Variants in IQCK observed in about 807,000 individuals in gnomAD.
IQCK encodes the protein IQ motif containing K.
Under a neutral mutation model 28.1 loss-of-function variants are expected in IQCK, and 29 were observed. That is an observed-to-expected ratio of 1.03 (90% CI 0.77 to 1.41). The LOEUF (loss-of-function observed/expected upper bound fraction) is 1.41, where lower values mean the gene tolerates loss of function less well. Ranked by LOEUF, IQCK falls within the 40% of genes most tolerant of loss-of-function variation. The pLI, the probability that IQCK is intolerant of heterozygous loss-of-function variation, is 0.00. For missense variants in IQCK, 359 were observed against 314.7 expected, an observed-to-expected ratio of 1.14 and a Z score of -1.07; for synonymous variants, 113 against 115.1, an observed-to-expected ratio of 0.98 and a Z score of 0.12.
intron 6 of IQCK, among the ~76,000 whole-genome samples, chr16:19,772,260 T>C (rs1168998327): frequency 6.6e-6 from 1 of 152,190 alleles, no homozygotes; most frequent in East Asian, 1.9e-4. Flanking sequence ...CATTAGGTGT[T>C]CACATTGAAA....
intron 6 of IQCK, among the ~76,000 whole-genome samples, chr16:19,772,911 C>T (rs1235082663): frequency 6.6e-6 from 1 of 152,026 alleles, no homozygotes; most frequent in Non-Finnish European, 1.5e-5. Context: ...GCTGAGGCGG[C>T]AGTATCACTT....
chr16:19,800,857 A>G (rs1049425704), intron 7 of IQCK, among the ~76,000 whole-genome samples: 3 of 114,326 alleles, frequency 2.6e-5, no homozygotes, highest in Admixed American at 1.5e-4. Context: ...CAAAGAACAT[A>G]TATGGCTTTT....
intron 4 of IQCK, among the ~76,000 whole-genome samples, chr16:19,763,295 A>G (rs1354706817): frequency 3.3e-5 from 5 of 152,176 alleles, no homozygotes; most frequent in African/African-American, 1.2e-4. Context: ...TAGTCATTAA[A>G]TGGAAGTGGA....
At chr16:19,733,512 CA>C (rs1422283114) in intron 2 of IQCK, among the ~76,000 whole-genome samples, 185 bp from the exon 3 acceptor site, 1 of 152,144 alleles carries the variant, frequency 6.6e-6, no homozygotes, top group African/African-American at 2.4e-5. Context: ...TTTTCTCTAT[CA>C]GGGGTTTCTG....
chr16:19,856,156 G>A (rs1216808163), intron 9 of IQCK, among the ~76,000 whole-genome samples: 3 of 152,328 alleles, frequency 2.0e-5, no homozygotes, highest in East Asian at 1.9e-4. Context: ...GGGGTTGAGC[G>A]GAGAGCCTGG....
intron 4 of IQCK, chr16:19,761,579 A>AT (rs2055143887): frequency 7.4e-6 from 2 of 268,632 alleles, no homozygotes; most frequent in Non-Finnish European, 7.6e-6. Context: ...GAAGACAGAG[A>AT]TTTTATCACC....
At chr16:19,772,449 T>TA (rs1298839731) in intron 6 of IQCK, among the ~76,000 whole-genome samples, 1 of 152,160 alleles carries the variant, frequency 6.6e-6, no homozygotes. Flanking sequence ...CTGATGAAAT[T>TA]AAAAAATTAT....
chr16:19,805,109 G>T (rs747240751), intron 7 of IQCK, among the ~76,000 whole-genome samples: 3 of 152,000 alleles, frequency 2.0e-5, no homozygotes, highest in African/African-American at 4.8e-5. Flanking sequence ...GCTTTCCTCC[G>T]GGGACAGCCA....
At chr16:19,782,696 C>T (rs1371479052) in intron 6 of IQCK, among the ~76,000 whole-genome samples, 1 of 152,184 alleles carries the variant, frequency 6.6e-6, no homozygotes, top group Non-Finnish European at 1.5e-5. Flanking sequence ...TTTTCAATCT[C>T]AAGCAAGCTT....
chr16:19,782,830 A>T (rs1290135970), intron 6 of IQCK, among the ~76,000 whole-genome samples: 1 of 152,198 alleles, frequency 6.6e-6, no homozygotes, highest in Non-Finnish European at 1.5e-5. Flanking sequence ...TTTTGTTAGC[A>T]TGCTGTATCT....
intron 7 of IQCK, among the ~76,000 whole-genome samples, chr16:19,802,767 G>A (rs1214305793): frequency 2.0e-5 from 3 of 152,166 alleles, no homozygotes; most frequent in Admixed American, 1.3e-4. Context: ...TAGCCTTCGA[G>A]TCTGGCTTCC....
chr16:19,855,698 A>G (rs974537389), intron 9 of IQCK, among the ~76,000 whole-genome samples: 1 of 151,940 alleles, frequency 6.6e-6, no homozygotes, highest in Non-Finnish European at 1.5e-5. Context: ...TTCACTTGAA[A>G]CCTCAGCCCT....
At chr16:19,855,739 C>T (rs2141130482) in intron 9 of IQCK, among the ~76,000 whole-genome samples, 1 of 152,302 alleles carries the variant, frequency 6.6e-6, no homozygotes, top group African/African-American at 2.4e-5. Flanking sequence ...ACCCTTTTTA[C>T]CAGAACAATG....
chr16:19,766,158 A>ATAT (rs1167891469), intron 6 of IQCK: 1 of 152,242 alleles, frequency 6.6e-6, no homozygotes, highest in Non-Finnish European at 1.5e-5. Context: ...AATTAAAGTG[A>ATAT]TATTAATCTA....
intron 4 of IQCK, among the ~76,000 whole-genome samples, chr16:19,750,592 G>T (rs2054973108): frequency 6.6e-6 from 1 of 151,172 alleles, no homozygotes; most frequent in African/African-American, 2.4e-5. Context: ...CTCCCCAGTA[G>T]CTGGGGCTAT....
rs1491310615 is a variant in IQCK, at chr16:19,811,984, AAT to A, written c.691-15041_691-15040del. Reference sequence around the variant, plus strand: ...TCAGGTAAATTTAGGAAATAGCCTTAATTTTTTTTTTTTTTTTTTTTGAGACA... The same window carrying A: ...TCAGGTAAATTTAGGAAATAGCCTTATTTTTTTTTTTTTTTTTTTGAGACA... On this transcript the variant is annotated intron_variant, in intron 7 of 7. Coordinates refer to ENST00000564186, the Ensembl canonical transcript of IQCK. Among the ~76,000 whole-genome samples, 598 of 135,212 alleles carry A rather than the reference AAT, an allele frequency of 4.4e-3. 3 individuals are homozygous for A. Among genetic ancestry groups the A allele is most frequent in the African/African-American group, 0.019 (577 of 29,606 alleles). 88.7% of individuals were successfully genotyped at this position (135,212 alleles called of 152,430 possible).
At chr16:19,770,386 A>G (rs1226782013) in intron 6 of IQCK, among the ~76,000 whole-genome samples, 2 of 152,136 alleles carry the variant, frequency 1.3e-5, no homozygotes, top group Non-Finnish European at 2.9e-5. Flanking sequence ...ACACAAATTT[A>G]TTACTATACT....
intron 4 of IQCK, among the ~76,000 whole-genome samples, chr16:19,740,536 A>G (rs1018228240): frequency 4.6e-4 from 70 of 152,264 alleles, no homozygotes; most frequent in African/African-American, 1.5e-3. Flanking sequence ...CATTTCAGCA[A>G]TTGTATCACT....
intron 6 of IQCK, among the ~76,000 whole-genome samples, chr16:19,769,578 G>T (rs1251357785): frequency 6.6e-6 from 1 of 152,228 alleles, no homozygotes; most frequent in Non-Finnish European, 1.5e-5. Context: ...AGCTCCTGGA[G>T]TGTGTGAGGA....
Sources: allele counts gnomAD v4.1 joint callset (sites outside exome capture counted in the v4.1 genomes callset), GRCh38; gene constraint gnomAD v4.1.1; transcripts MANE v1.5; gene names NCBI Gene and HGNC (gene_info 2026-07-23, HGNC 2026-07-21).